Variants in HLCS observed in about 807,000 individuals in gnomAD.
HLCS encodes biotin--protein ligase.
A neutral mutation model predicts 75.0 loss-of-function variants in HLCS; 53 were observed. The ratio of observed to expected loss-of-function variants is 0.71; its 90% CI spans 0.57 to 0.89. The LOEUF (loss-of-function observed/expected upper bound fraction) is 0.89. HLCS is among the 40% of genes least tolerant of loss of function. The pLI is 0.00. For missense variants in HLCS, 966 were observed against 1,074.0 expected, an observed-to-expected ratio of 0.90 and a Z score of 1.41; for synonymous variants, 431 against 428.6, an observed-to-expected ratio of 1.01 and a Z score of -0.07.
intron 5 of HLCS, among the ~76,000 whole-genome samples, chr21:36,911,086 A>G (rs2065685060): frequency 6.6e-6 from 1 of 152,214 alleles, no homozygotes; most frequent in Non-Finnish European, 1.5e-5. Flanking sequence ...TGCAACACTT[A>G]AAAATTGAGA....
intron 6 of HLCS, among the ~76,000 whole-genome samples, chr21:36,768,749 C>G (rs879638426): frequency 1.3e-5 from 2 of 152,254 alleles, no homozygotes; most frequent in South Asian, 4.1e-4. Context: ...TTCTCTTGGA[C>G]GCCATGAATA....
Position 36,936,692 on chromosome 21 carries a change from G to C in HLCS, c.1194C>G (p.Thr398=), listed in dbSNP as rs149877080. ...GKVLGLSSSF[T]FGGFQVTSKG... is the part of the protein sequence containing the mutation. ...TGCTTGTCACCTGAAAGCCACCAAA[G>C]GTGAAGGATGAAGACAGGCCCAACA... Residue 398 remains threonine, a synonymous_variant, in exon 4 of 11, where the codon ACC becomes ACG. Coordinates refer to ENST00000674895, the MANE Select transcript of HLCS (RefSeq NM_001352514.2). 1.2e-6 allele frequency: 2 copies of C among 1,614,098 alleles called. No individual in the cohort carries two copies. The highest frequency in any genetic ancestry group is 1.7e-5 in the Admixed American group (1 of 60,006).
intron 6 of HLCS, among the ~76,000 whole-genome samples, chr21:36,876,748 T>C (rs764824872): frequency 8.5e-5 from 13 of 152,164 alleles, no homozygotes; most frequent in Admixed American, 6.5e-5. Flanking sequence ...TCTGGAAGTA[T>C]TAGGTATCAG....
intron 5 of HLCS, among the ~76,000 whole-genome samples, chr21:36,914,016 G>A (rs1002586340): frequency 6.6e-6 from 1 of 152,222 alleles, no homozygotes; most frequent in African/African-American, 2.4e-5. Flanking sequence ...CTTGGAACCA[G>A]CAAGGGACTG....
chr21:36,924,146 C>T (rs762052673), intron 5 of HLCS, among the ~76,000 whole-genome samples: 9 of 152,170 alleles, frequency 5.9e-5, no homozygotes, highest in Non-Finnish European at 1.2e-4. Context: ...CCTATCTATA[C>T]ATTCGAGACT....
In HLCS at chr21:36,751,386, G is replaced by A. The variant is rs1424558600; in HGVS notation, c.*2860C>T. 6.6e-6 allele frequency: 1 copy of A among 152,518 alleles called. No homozygotes were observed. Among genetic ancestry groups the A allele is most frequent in the Non-Finnish European group, 1.5e-5 (1 of 68,052 alleles). 9.4% of individuals were successfully genotyped at this position (152,518 alleles called of 1,614,324 possible). A position where few individuals can be genotyped will look rare whatever the true frequency, so the allele number is the denominator to read the frequency against. On this transcript the variant is annotated 3_prime_UTR_variant, in exon 11 of 11. Coordinates refer to ENST00000674895, the MANE Select transcript of HLCS (RefSeq NM_001352514.2). ...TGCCTGTTAAGAGCAAACAGATCTG[G>A]AGAACGGAAGCCCACCCTGCCTCCC...
At chr21:36,755,778 G>A (rs562064864) in intron 10 of HLCS, among the ~76,000 whole-genome samples, 1 of 152,370 alleles carries the variant, frequency 6.6e-6, no homozygotes, top group South Asian at 2.1e-4. Flanking sequence ...GACTTCAGCT[G>A]CATGAGAATC....
chr21:36,893,607 C>T (rs966454177), intron 6 of HLCS, among the ~76,000 whole-genome samples: 10 of 152,128 alleles, frequency 6.6e-5, no homozygotes, highest in Non-Finnish European at 1.0e-4. Context: ...CCTCAGATCA[C>T]GAGGCATTAG....
rs568212658 is a variant in HLCS, at chr21:36,815,603, C to T, written c.1893-48318G>A. ...TCACATTTGGACAAATGAGTAAAGACGGGGGATAGGTTGTGTAGAATTCAT... is the reference window on the plus strand; with the variant it reads ...TCACATTTGGACAAATGAGTAAAGATGGGGGATAGGTTGTGTAGAATTCAT... On this transcript the variant is annotated intron_variant, in intron 6 of 10. Coordinates refer to ENST00000674895, the MANE Select transcript of HLCS (RefSeq NM_001352514.2). Among the ~76,000 whole-genome samples the T allele has an allele frequency of 3.3e-5, 5 of 152,230 alleles. No individual in the cohort carries two copies. The South Asian group carries it at 8.3e-4, about 25-fold the overall frequency.
At chr21:36,903,638 G>C (rs1168636378) in intron 5 of HLCS, among the ~76,000 whole-genome samples, 1 of 152,152 alleles carries the variant, frequency 6.6e-6, no homozygotes, top group Non-Finnish European at 1.5e-5. Context: ...TTTCAGAACA[G>C]GAATAATGCA....
chr21:36,836,533 A>C (rs918775267), intron 6 of HLCS, among the ~76,000 whole-genome samples: 31 of 143,272 alleles, frequency 2.2e-4, no homozygotes, highest in Non-Finnish European at 1.0e-4. Flanking sequence ...TCATTGTTCA[A>C]TTCCCTGCAC....
At chr21:36,795,881 A>G (rs938128566) in intron 6 of HLCS, among the ~76,000 whole-genome samples, 9 of 152,254 alleles carry the variant, frequency 5.9e-5, no homozygotes, top group Non-Finnish European at 1.2e-4. Flanking sequence ...AAAATTAACC[A>G]AACAGTTAAT....
intron 6 of HLCS, among the ~76,000 whole-genome samples, chr21:36,802,925 A>G (rs972385751): frequency 6.6e-6 from 1 of 152,188 alleles, no homozygotes; most frequent in Non-Finnish European, 1.5e-5. Context: ...TCAAAATAAG[A>G]CTTCTAATTC....
chr21:36,838,791 T>C (rs56410700), intron 6 of HLCS, among the ~76,000 whole-genome samples: 41,105 of 151,016 alleles, frequency 0.27, 5,783 homozygotes, highest in Middle Eastern at 0.35. Context: ...GGGGTAGAGA[T>C]TGCAGTGAAA....
intron 1 of HLCS, chr21:36,981,101 G>A (rs1320264070): frequency 6.6e-6 from 1 of 152,296 alleles, no homozygotes; most frequent in Non-Finnish European, 1.5e-5. Flanking sequence ...CACCCACCTT[G>A]ATAACTGCTT....
intron 6 of HLCS, among the ~76,000 whole-genome samples, chr21:36,887,708 A>C (rs761635914): frequency 6.6e-6 from 1 of 152,246 alleles, no homozygotes; most frequent in Non-Finnish European, 1.5e-5. Context: ...AATAATTTTC[A>C]CTTTTAAAGT....
intron 1 of HLCS, among the ~76,000 whole-genome samples, chr21:36,963,466 A>C (rs1327800689): frequency 6.6e-6 from 1 of 152,246 alleles, no homozygotes; most frequent in Non-Finnish European, 1.5e-5. Context: ...GTGGTTAAAA[A>C]GTATGTCCAC....
chr21:36,932,894 G>A (rs1209627264), intron 4 of HLCS, among the ~76,000 whole-genome samples: 1 of 152,150 alleles, frequency 6.6e-6, no homozygotes, highest in Non-Finnish European at 1.5e-5. Flanking sequence ...GAGGCGGGAG[G>A]ATCATTTGAG....
At chr21:36,819,146 GGT>G (rs1294935003) in intron 6 of HLCS, among the ~76,000 whole-genome samples, 1 of 152,142 alleles carries the variant, frequency 6.6e-6, no homozygotes, top group Non-Finnish European at 1.5e-5. Flanking sequence ...GAATCCACAT[GGT>G]GTGTTTGTTA....
Sources: allele counts gnomAD v4.1 joint callset (sites outside exome capture counted in the v4.1 genomes callset), GRCh38; gene constraint gnomAD v4.1.1; transcripts MANE v1.5; gene names NCBI Gene and HGNC (gene_info 2026-07-23, HGNC 2026-07-21).